The following RBBP9 variants were observed in gnomAD, a reference collection of about 807,000 sequenced individuals.
The protein encoded by RBBP9 is serine hydrolase RBBP9.
A neutral mutation model predicts 24.2 loss-of-function variants in RBBP9; 20 were observed. The observed-to-expected ratio is 0.83, with a 90% CI of 0.58 to 1.20. The LOEUF (loss-of-function observed/expected upper bound fraction) is 1.20. RBBP9 is among the 50% of genes most tolerant of loss of function. The pLI is 0.00. For missense variants in RBBP9, 234 were observed against 233.6 expected, an observed-to-expected ratio of 1.00 and a Z score of -0.01; for synonymous variants, 74 against 84.6, an observed-to-expected ratio of 0.87 and a Z score of 0.69.
At position 18,488,038 on chromosome 20, in the gene RBBP9, T is replaced by C. The variant is rs567804529; in HGVS notation, c.*1726A>G. The C allele has an allele frequency of 1.1e-3, 168 of 152,334 alleles. 2 individuals are homozygous for C. The highest frequency in any genetic ancestry group is 3.7e-3 in the African/African-American group (154 of 41,590). The allele number at this position is 152,334 out of a possible 1,614,324, so 9.4% of individuals were successfully genotyped here. ...ATTGCTGTTGAACGATTAGGGTACC[T>C]TTCCTGATTTTTTTTGTCTAAGCAC... is the stretch of plus-strand genomic sequence containing the variant. On this transcript the variant is annotated 3_prime_UTR_variant, in exon 5 of 5. Coordinates refer to ENST00000337227, the MANE Select transcript of RBBP9 (RefSeq NM_006606.3).
In RBBP9 at chr20:18,497,150, C is replaced by T. The variant is rs368332877; in HGVS notation, c.18G>A (p.Lys6=). ...CTCCGTTCCCGGGAACAATCACTGC[C>T]TTGCTAGGAGAAGCCATGAGTGCAG... MASPS[K]AVIVPGNGGG... is the part of the protein sequence containing the mutation. Residue 6 remains lysine, a synonymous_variant, in exon 1 of 5, where the codon AAG becomes AAA. Coordinates refer to ENST00000337227, the MANE Select transcript of RBBP9 (RefSeq NM_006606.3). 2.5e-6 allele frequency: 4 copies of T among 1,613,984 alleles called. No homozygotes were observed. Among genetic ancestry groups the T allele is most frequent in the African/African-American group, 2.7e-5 (2 of 74,952 alleles).
At position 18,496,632 on chromosome 20, in the gene RBBP9, A is replaced by G. The variant is rs77584318; in HGVS notation, c.99+437T>C. Among the ~76,000 whole-genome samples the G allele has an allele frequency of 7.9e-3, 1,199 of 152,308 alleles. 8 individuals are homozygous for G. The highest frequency in any genetic ancestry group is 0.014 in the Middle Eastern group (4 of 294). On this transcript the variant is annotated intron_variant, in intron 1 of 4. Coordinates refer to ENST00000337227, the MANE Select transcript of RBBP9 (RefSeq NM_006606.3). ...ATGTATAGGCAATGTCCCAGGTTTT[A>G]GTTTGGTAATTCATTACATTATGCC...
In RBBP9 at chr20:18,489,681, T is replaced by G; in HGVS notation, c.*83A>C. 1.1e-6 allele frequency: 1 copy of G among 876,336 alleles called. No individual in the cohort carries two copies. The highest frequency in any genetic ancestry group is 1.8e-6 in the Non-Finnish European group (1 of 563,774). The allele number at this position is 876,336 out of a possible 1,614,324, so 54.3% of individuals were successfully genotyped here. On this transcript the variant is annotated 3_prime_UTR_variant, in exon 5 of 5. Transcript: ENST00000337227. ...CAGGCACTTACGGAACTTAACTGGA[T>G]GTTCTATGTGTCTAGTAATCAGCTG...
chr20:18,492,201 C>G (rs1025168011), intron 3 of RBBP9, among the ~76,000 whole-genome samples: 1 of 151,744 alleles, frequency 6.6e-6, no homozygotes, highest in African/African-American at 2.4e-5. Context: ...ACTCCCTTAA[C>G]CATGGTACCA....
In RBBP9 at chr20:18,487,223, C is replaced by T. The variant is rs1013846672; in HGVS notation, c.*2541G>A. On this transcript the variant is annotated 3_prime_UTR_variant, in exon 5 of 5. Coordinates refer to ENST00000337227, the MANE Select transcript of RBBP9 (RefSeq NM_006606.3). ...ACTGAATTTTCAATTTTACAGCTAG[C>T]TGTGGTTACTGGTTACTATATTTGG... 6.6e-6 allele frequency: 1 copy of T among 152,142 alleles called. No homozygotes were observed. Among genetic ancestry groups the T allele is most frequent in the Admixed American group, 6.5e-5 (1 of 15,272 alleles). The allele number at this position is 152,142 out of a possible 1,614,324, so 9.4% of individuals were successfully genotyped here.
chr20:18,496,025 CTT>C, intron 1 of RBBP9, 145 bp from the exon 2 acceptor site: 1 of 700,758 alleles, frequency 1.4e-6, no homozygotes, highest in South Asian at 2.0e-5. Context: ...AAGTGACCAT[CTT>C]TTCGCATGAA....
chr20:18,489,549 G>T lies in RBBP9; in HGVS notation c.*215C>A. The T allele has an allele frequency of 2.1e-6, 1 of 486,128 alleles. No individual in the cohort carries two copies. Among genetic ancestry groups the T allele is most frequent in the Non-Finnish European group, 3.7e-6 (1 of 273,116 alleles). 30.1% of individuals were successfully genotyped at this position (486,128 alleles called of 1,614,324 possible). ...TGTCCTTATGTTTCTTATCAAATGA[G>T]GAAAATACTGTGGTAGTTCATAGCA... On this transcript the variant is annotated 3_prime_UTR_variant, in exon 5 of 5. Transcript: ENST00000337227.
intron 2 of RBBP9, among the ~76,000 whole-genome samples, chr20:18,494,522 A>C (rs1485522626): frequency 2.0e-5 from 3 of 151,980 alleles, no homozygotes; most frequent in Non-Finnish European, 1.5e-5. Flanking sequence ...TGCTAAAAAT[A>C]CAAAAAAAAT....
intron 4 of RBBP9, among the ~76,000 whole-genome samples, 171 bp from the exon 5 acceptor site, chr20:18,490,161 G>A (rs554099366): frequency 3.3e-5 from 5 of 152,274 alleles, no homozygotes; most frequent in South Asian, 2.1e-4. Flanking sequence ...ACAGTTACTC[G>A]TGAAGAGGTG....
chr20:18,494,163 A>T, intron 2 of RBBP9, 100 bp from the exon 3 acceptor site: 1 of 835,786 alleles, frequency 1.2e-6, no homozygotes, highest in Non-Finnish European at 1.9e-6. Context: ...AGCAGTTCAC[A>T]ACTTTTAAAA....
intron 1 of RBBP9, among the ~76,000 whole-genome samples, chr20:18,496,104 G>C (rs1049688125): frequency 6.6e-6 from 1 of 152,288 alleles, no homozygotes; most frequent in East Asian, 1.9e-4. Flanking sequence ...ATCTGCATTT[G>C]TACACCCATA....
chr20:18,492,430 A>G (rs2059869710), intron 3 of RBBP9, among the ~76,000 whole-genome samples: 1 of 152,098 alleles, frequency 6.6e-6, no homozygotes, highest in Non-Finnish European at 1.5e-5. Context: ...TGTCTTGTAC[A>G]TTATCCTCTA....
intron 2 of RBBP9, among the ~76,000 whole-genome samples, chr20:18,495,017 C>T (rs2059880115): frequency 6.6e-6 from 1 of 152,102 alleles, no homozygotes; most frequent in South Asian, 2.1e-4. Flanking sequence ...GTGAGGGGCG[C>T]CTCTGCCCGG....
rs1038806738 is a variant in RBBP9, at chr20:18,495,537, T to A, written c.142+301A>T. On this transcript the variant is annotated intron_variant, in intron 2 of 4. Transcript: ENST00000337227. ...TGACCTTCCCTCCACTATTGTCCTG[T>A]GACCCTGCCAAATCCCCCTCTGCGA... Among the ~76,000 whole-genome samples the A allele has an allele frequency of 1.1e-3, 160 of 148,424 alleles. 1 individual carries two copies. The highest frequency in any genetic ancestry group is 1.4e-3 in the Non-Finnish European group (92 of 67,396).
rs1241650884 is a variant in RBBP9 at position 18,489,039 on chromosome 20, A to G, written c.*725T>C. The G allele has an allele frequency of 6.6e-6, 1 of 152,124 alleles. No individual in the cohort carries two copies. Among genetic ancestry groups the G allele is most frequent in the Non-Finnish European group, 1.5e-5 (1 of 68,038 alleles). 9.4% of individuals were successfully genotyped at this position (152,124 alleles called of 1,614,324 possible). On this transcript the variant is annotated 3_prime_UTR_variant, in exon 5 of 5. Coordinates refer to ENST00000337227, the MANE Select transcript of RBBP9 (RefSeq NM_006606.3). ...ATTTGGAGATTTTTTTCCACACAAA[A>G]AATCAGAAAATTGGCAACACTCTGC...
At position 18,488,631 on chromosome 20, in the gene RBBP9, G is replaced by T. The variant is rs1354775087; in HGVS notation, c.*1133C>A. The T allele has an allele frequency of 6.6e-6, 1 of 152,202 alleles. No homozygotes were observed. The highest frequency in any genetic ancestry group is 1.5e-5 in the Non-Finnish European group (1 of 68,044). The allele number at this position is 152,202 out of a possible 1,614,324, so 9.4% of individuals were successfully genotyped here. A position where few individuals can be genotyped will look rare whatever the true frequency, so the allele number is the denominator to read the frequency against. ...GAATGTGCTTGAAAGAGATCTAAAG[G>T]GCCATGGAAGTTAAAAGGTTTAACT... is the stretch of plus-strand genomic sequence containing the variant. On this transcript the variant is annotated 3_prime_UTR_variant, in exon 5 of 5. Transcript: ENST00000337227.
At chr20:18,495,905 G>T (rs1488557461) in intron 1 of RBBP9, 25 bp from the exon 2 acceptor site, 1 of 1,494,900 alleles carries the variant, frequency 6.7e-7, no homozygotes, top group Non-Finnish European at 9.1e-7. Context: ...GGGAGAAAAA[G>T]CTATAATAAA....
intron 2 of RBBP9, 37 bp downstream of exon 2, chr20:18,495,801 C>G: frequency 6.6e-7 from 1 of 1,526,488 alleles, no homozygotes; most frequent in South Asian, 1.1e-5. Flanking sequence ...CAAAACCCAA[C>G]AAGATGAGGC....
At chr20:18,493,857 C>T (rs2059873991) in intron 3 of RBBP9, 101 bp downstream of exon 3, 2 of 906,866 alleles carry the variant, frequency 2.2e-6, no homozygotes, top group African/African-American at 3.4e-5. Flanking sequence ...GAGGTCAGCA[C>T]TGTTTCCTCT....
Sources: gnomAD v4.1 joint callset for allele counts (sites outside exome capture counted in the v4.1 genomes callset) on GRCh38, gnomAD v4.1.1 for gene constraint, MANE v1.5 for transcripts, NCBI Gene and HGNC (gene_info 2026-07-23, HGNC 2026-07-21) for gene names.